Variants in FBXL17 observed in about 807,000 individuals in gnomAD.
FBXL17 encodes the protein F-box and leucine rich repeat protein 17, also known as F-box/LRR-repeat protein 17.
FBXL17 carries 22 observed loss-of-function variants against 66.2 expected under a neutral mutation model. The observed-to-expected ratio is 0.33, with a 90% CI of 0.24 to 0.47. The LOEUF (loss-of-function observed/expected upper bound fraction) is 0.47. Among genes scored for constraint, FBXL17 ranks in the 20% least tolerant of loss-of-function variants. FBXL17 has a pLI of 1.00. For synonymous variants in FBXL17, 474 were observed against 400.5 expected, an observed-to-expected ratio of 1.18 and a Z score of -2.19; for missense variants, 878 against 948.2, an observed-to-expected ratio of 0.93 and a Z score of 0.97.
At chr5:108,200,055 G>A (rs1452011551) in intron 5 of FBXL17, among the ~76,000 whole-genome samples, 1 of 152,032 alleles carries the variant, frequency 6.6e-6, no homozygotes, top group Non-Finnish European at 1.5e-5. Flanking sequence ...ACAAAAGGAA[G>A]AGTCAGTGTT....
At chr5:108,140,869 C>G (rs1362721287) in intron 6 of FBXL17, among the ~76,000 whole-genome samples, 2 of 151,614 alleles carry the variant, frequency 1.3e-5, no homozygotes, top group African/African-American at 4.8e-5. Flanking sequence ...ATCATTAATT[C>G]TATCTCCTTC....
intron 4 of FBXL17, among the ~76,000 whole-genome samples, chr5:108,303,604 AT>A (rs988333132): frequency 2.0e-5 from 3 of 151,974 alleles, no homozygotes; most frequent in Admixed American, 6.6e-5. Flanking sequence ...GGCTTCTCCC[AT>A]TTAAAACAAA....
chr5:107,998,426 G>A (rs1198420266), intron 7 of FBXL17, among the ~76,000 whole-genome samples: 1 of 152,106 alleles, frequency 6.6e-6, no homozygotes, highest in Non-Finnish European at 1.5e-5. Context: ...TGTTTCTTGA[G>A]TCACAGATGT....
chr5:107,864,777 C>T (rs759273731), intron 8 of FBXL17, among the ~76,000 whole-genome samples: 36 of 152,360 alleles, frequency 2.4e-4, no homozygotes, highest in Non-Finnish European at 4.3e-4. Flanking sequence ...GATGCCAACA[C>T]TGCACTTCCT....
chr5:108,195,383 G>T (rs1378449566), intron 5 of FBXL17, among the ~76,000 whole-genome samples: 1 of 152,064 alleles, frequency 6.6e-6, no homozygotes, highest in Non-Finnish European at 1.5e-5. Context: ...CAAGAGTTAG[G>T]ACAGTGCAAA....
At chr5:108,281,337 A>G (rs560532463) in intron 4 of FBXL17, among the ~76,000 whole-genome samples, 7 of 152,044 alleles carry the variant, frequency 4.6e-5, no homozygotes, top group African/African-American at 1.7e-4. Flanking sequence ...ACAGTAGAAT[A>G]AAACTAGAAA....
intron 6 of FBXL17, among the ~76,000 whole-genome samples, chr5:108,125,301 TA>T (rs1265718500): frequency 2.0e-5 from 3 of 152,018 alleles, no homozygotes; most frequent in Non-Finnish European, 2.9e-5. Context: ...TATGTACCTG[TA>T]AAAATTAAAT....
chr5:108,125,097 T>C (rs763954885), intron 6 of FBXL17, among the ~76,000 whole-genome samples: 2 of 151,818 alleles, frequency 1.3e-5, no homozygotes, highest in Non-Finnish European at 2.9e-5. Context: ...TACCAGAAAC[T>C]ACAAAATTCT....
At chr5:108,177,439 C>T (rs1752833119) in intron 6 of FBXL17, among the ~76,000 whole-genome samples, 1 of 152,188 alleles carries the variant, frequency 6.6e-6, no homozygotes, top group Non-Finnish European at 1.5e-5. Flanking sequence ...ACCATTCTAA[C>T]CATGTTCAGA....
chr5:108,054,288 G>T (rs1323582771), intron 6 of FBXL17, among the ~76,000 whole-genome samples: 1 of 152,052 alleles, frequency 6.6e-6, no homozygotes, highest in African/African-American at 2.4e-5. Flanking sequence ...ATCCCTGAAG[G>T]GTGTTTTCAC....
chr5:108,096,719 G>A (rs1039811773), intron 6 of FBXL17, among the ~76,000 whole-genome samples: 1 of 152,196 alleles, frequency 6.6e-6, no homozygotes, highest in Non-Finnish European at 1.5e-5. Flanking sequence ...TGGCCAGTGA[G>A]TATGGAAGGA....
At position 108,187,685 on chromosome 5, in the gene FBXL17, C is replaced by T. The variant is rs368351513; in HGVS notation, c.1615-1438G>A. 2.4e-4 allele frequency among the ~76,000 whole-genome samples: 36 copies of T among 152,210 alleles called. No homozygotes were observed. In the South Asian group the frequency reaches 7.0e-3, roughly 30 times the overall value. On this transcript the variant is annotated intron_variant, in intron 5 of 8. Coordinates refer to ENST00000542267, the MANE Select transcript of FBXL17 (RefSeq NM_001163315.3). ...AGAGATAAGGACCTCAGACTTACAA[C>T]CTTAAGGAATTTAATTCTGCCAAAA...
chr5:108,219,022 T>C (rs1482353238), intron 5 of FBXL17, among the ~76,000 whole-genome samples: 2 of 152,220 alleles, frequency 1.3e-5, no homozygotes, highest in Non-Finnish European at 2.9e-5. Context: ...AATTATCCTT[T>C]TAAAATACTG....
At chr5:107,884,525 G>A (rs1210629036) in intron 7 of FBXL17, among the ~76,000 whole-genome samples, 1 of 152,182 alleles carries the variant, frequency 6.6e-6, no homozygotes, top group Non-Finnish European at 1.5e-5. Flanking sequence ...AGCCAAGTAT[G>A]TACCCTATGT....
At chr5:108,269,757 A>T (rs1285145084) in intron 4 of FBXL17, among the ~76,000 whole-genome samples, 1 of 152,116 alleles carries the variant, frequency 6.6e-6, no homozygotes, top group Non-Finnish European at 1.5e-5. Flanking sequence ...TGGAATCCAT[A>T]GTACCTAAGA....
intron 4 of FBXL17, among the ~76,000 whole-genome samples, chr5:108,224,513 ATATATG>A (rs987943827): frequency 4.0e-4 from 59 of 146,688 alleles, no homozygotes; most frequent in Non-Finnish European, 8.0e-4. Flanking sequence ...GTGTGTGTAT[ATATATG>A]TATATGTATA....
At chr5:108,172,521 T>C (rs999738661) in intron 6 of FBXL17, among the ~76,000 whole-genome samples, 2 of 152,210 alleles carry the variant, frequency 1.3e-5, no homozygotes, top group Non-Finnish European at 2.9e-5. Context: ...ATTTTTATAG[T>C]ACCTATATTT....
chr5:108,182,191 G>A (rs1253276537), intron 6 of FBXL17, among the ~76,000 whole-genome samples: 1 of 152,084 alleles, frequency 6.6e-6, no homozygotes, highest in East Asian at 1.9e-4. Flanking sequence ...TATTTAGTAG[G>A]GGGCTAATAA....
intron 3 of FBXL17, among the ~76,000 whole-genome samples, chr5:108,360,155 A>G (rs550515827): frequency 3.3e-5 from 5 of 151,722 alleles, no homozygotes; most frequent in Admixed American, 6.6e-5. Context: ...CATCCTTTCA[A>G]CCTCTATGTA....
Sources: gnomAD v4.1 joint callset for allele counts (sites outside exome capture counted in the v4.1 genomes callset) on GRCh38, gnomAD v4.1.1 for gene constraint, MANE v1.5 for transcripts, NCBI Gene and HGNC (gene_info 2026-07-23, HGNC 2026-07-21) for gene names.